RORA: variants seen among roughly 807,000 people sequenced by gnomAD.
The protein encoded by RORA is nuclear receptor ROR-alpha.
A neutral mutation model predicts 69.5 loss-of-function variants in RORA; 7 were observed. That is an observed-to-expected ratio of 0.10 (90% confidence interval 0.06 to 0.19). The LOEUF (loss-of-function observed/expected upper bound fraction) is 0.19. Among genes scored for constraint, RORA ranks in the 10% least tolerant of loss-of-function variants. The pLI is 1.00. For missense variants in RORA, 457 were observed against 663.0 expected (o/e 0.69, Z 3.41); for synonymous variants, 261 against 240.8 (o/e 1.08, Z -0.78).
intron 1 of RORA, among the ~76,000 whole-genome samples, chr15:61,198,640 G>A (rs1405593330): frequency 1.4e-5 from 2 of 147,396 alleles, no homozygotes; most frequent in Admixed American, 6.8e-5. Context: ...ATTTATTTGA[G>A]TAGAGATAAA....
intron 2 of RORA, among the ~76,000 whole-genome samples, chr15:60,560,082 G>A (rs530583362): frequency 5.3e-5 from 8 of 152,022 alleles, no homozygotes; most frequent in African/African-American, 1.9e-4. Context: ...ACCTGGCAAA[G>A]CAAAAAGTTT....
chr15:61,026,390 C>G (rs1595888591), intron 1 of RORA, among the ~76,000 whole-genome samples: 1 of 152,264 alleles, frequency 6.6e-6, no homozygotes, highest in Middle Eastern at 3.4e-3. Context: ...CTAGAAGCAG[C>G]AAAATTACAA....
chr15:60,699,414 A>C (rs1258096828), intron 1 of RORA, among the ~76,000 whole-genome samples: 1 of 152,166 alleles, frequency 6.6e-6, no homozygotes, highest in African/African-American at 2.4e-5. Context: ...TAAACAACAC[A>C]CCAACTATCT....
chr15:60,717,796 C>CTTTTTTTTTTTTTTTTTTTTT (rs10653856), intron 1 of RORA, among the ~76,000 whole-genome samples: 6 of 91,974 alleles, frequency 6.5e-5, no homozygotes, highest in Admixed American at 1.3e-4. Context: ...TTCTTTTTCT[C>CTTTTTTTTTTTTTTTTTTTTT]TTTTTTTTTT....
At chr15:60,544,177 G>C (rs1428919342) in intron 2 of RORA, among the ~76,000 whole-genome samples, 1 of 152,166 alleles carries the variant, frequency 6.6e-6, no homozygotes, top group Non-Finnish European at 1.5e-5. Flanking sequence ...CTTAGGCATA[G>C]TGCTGCACTA....
intron 1 of RORA, among the ~76,000 whole-genome samples, chr15:60,721,589 T>C (rs934653177): frequency 2.0e-5 from 3 of 152,240 alleles, no homozygotes; most frequent in Non-Finnish European, 4.4e-5. Context: ...CTCAAAGAAC[T>C]TGGTAAATAG....
chr15:60,685,995 T>C (rs1265297330), intron 1 of RORA, among the ~76,000 whole-genome samples: 1 of 152,126 alleles, frequency 6.6e-6, no homozygotes, highest in Admixed American at 6.5e-5. Flanking sequence ...CCATGAAAAA[T>C]ATTCCATTTT....
intron 10 of RORA, 108 bp from the exon 11 acceptor site, chr15:60,497,727 T>G (rs1389345276): frequency 9.2e-6 from 8 of 867,356 alleles, no homozygotes; most frequent in Non-Finnish European, 1.5e-5. Context: ...TGAAACACAC[T>G]TAAAGCAACT....
intron 1 of RORA, among the ~76,000 whole-genome samples, chr15:60,903,619 T>C (rs1891451486): frequency 6.6e-6 from 1 of 152,154 alleles, no homozygotes; most frequent in Non-Finnish European, 1.5e-5. Context: ...CTCCAAGTAG[T>C]ATGCAATGCA....
intron 1 of RORA, among the ~76,000 whole-genome samples, chr15:60,942,084 T>G (rs1181959764): frequency 6.6e-6 from 1 of 152,068 alleles, no homozygotes; most frequent in African/African-American, 2.4e-5. Context: ...CCTAATTTTT[T>G]AAAAACATGG....
At chr15:61,185,901 AT>A (rs2079736720) in intron 1 of RORA, among the ~76,000 whole-genome samples, 1 of 151,908 alleles carries the variant, frequency 6.6e-6, no homozygotes, top group South Asian at 2.1e-4. Context: ...TGCTGCCATT[AT>A]TTTTCCCTGG....
At chr15:60,816,031 A>C (rs2072809756) in intron 1 of RORA, among the ~76,000 whole-genome samples, 1 of 145,442 alleles carries the variant, frequency 6.9e-6, no homozygotes, top group Non-Finnish European at 1.5e-5. Context: ...TACTATATAT[A>C]GTATATATAC....
chr15:60,595,483 C>T lies in RORA; in HGVS notation c.197-63632G>A, dbSNP rs1027577944. On this transcript the variant is annotated intron_variant, in intron 2 of 10. Coordinates refer to ENST00000335670, the MANE Select transcript of RORA (RefSeq NM_134261.3). ...TGAGCTGAGATCACACCACTGCACT[C>T]CAGCCTGGGCGACAGAGCAATAATC... Among the ~76,000 whole-genome samples the T allele has an allele frequency of 2.0e-5, 3 of 151,744 alleles. No homozygotes were observed. The East Asian group carries it at 5.8e-4, about 29-fold the overall frequency.
chr15:60,630,811 G>A (rs1221052171), intron 2 of RORA, among the ~76,000 whole-genome samples: 2 of 151,976 alleles, frequency 1.3e-5, no homozygotes, highest in Non-Finnish European at 2.9e-5. Flanking sequence ...TGCAAAGGAG[G>A]AAACTGATGG....
intron 1 of RORA, among the ~76,000 whole-genome samples, chr15:60,839,574 C>T (rs2073168774): frequency 6.6e-6 from 1 of 152,212 alleles, no homozygotes; most frequent in South Asian, 2.1e-4. Context: ...CAATCACACC[C>T]TTACTCACTG....
chr15:60,518,322 A>T (rs556979442), intron 3 of RORA, among the ~76,000 whole-genome samples: 22 of 152,388 alleles, frequency 1.4e-4, no homozygotes, highest in Non-Finnish European at 1.6e-4. Flanking sequence ...CTGTTAACAT[A>T]GAAGCATATA....
At chr15:61,104,270 A>G (rs1334912962) in intron 1 of RORA, among the ~76,000 whole-genome samples, 1 of 152,202 alleles carries the variant, frequency 6.6e-6, no homozygotes, top group Admixed American at 6.5e-5. Flanking sequence ...AAATTAACAA[A>G]CGCACCTAGG....
intron 1 of RORA, among the ~76,000 whole-genome samples, chr15:60,930,530 A>T (rs1299232702): frequency 6.6e-6 from 1 of 152,200 alleles, no homozygotes; most frequent in African/African-American, 2.4e-5. Flanking sequence ...ACACCTATAG[A>T]TGCAAAGTGC....
chr15:60,489,119 A>C lies in RORA; in HGVS notation c.*8336T>G, dbSNP rs1406998779. The stretch of plus-strand genomic sequence containing the variant: ...AATCGTGCTTTAAAAAAAAGGTTTC[A>C]ATCTCTTTCCAAGAGAGGCAGTTAA... On this transcript the variant is annotated 3_prime_UTR_variant, in exon 11 of 11. Transcript: ENST00000335670. 1 of 152,312 alleles carries C rather than the reference A, an allele frequency of 6.6e-6. No homozygotes were observed. Among genetic ancestry groups the C allele is most frequent in the African/African-American group, 2.4e-5 (1 of 41,576 alleles). The allele number at this position is 152,312 out of a possible 1,614,324, so 9.4% of individuals were successfully genotyped here.
Sources: gnomAD v4.1 joint callset for allele counts (sites outside exome capture counted in the v4.1 genomes callset) on GRCh38, gnomAD v4.1.1 for gene constraint, MANE v1.5 for transcripts, NCBI Gene and HGNC (gene_info 2026-07-23, HGNC 2026-07-21) for gene names.